The following CCDC85A variants were observed in gnomAD, a reference collection of about 807,000 sequenced individuals.
CCDC85A encodes the protein coiled-coil domain containing 85A.
In CCDC85A, 38 loss-of-function variants were observed where a neutral mutation model predicts 50.2. That is an observed-to-expected ratio of 0.76 (90% CI 0.58 to 0.99). CCDC85A has a LOEUF of 0.99. CCDC85A is among the 50% of genes least tolerant of loss of function. The pLI is 0.00. For synonymous variants in CCDC85A, 366 were observed against 301.4 expected (o/e 1.21, Z -2.22); for missense variants, 820 against 742.0 (o/e 1.11, Z -1.22).
chr2:56,282,042 C>CT (rs1440764554), intron 2 of CCDC85A, among the ~76,000 whole-genome samples: 2 of 151,932 alleles, frequency 1.3e-5, no homozygotes, highest in African/African-American at 4.8e-5. Context: ...TTAACTACAA[C>CT]TTTAATTATT....
chr2:56,378,582 T>C (rs1676444744), intron 5 of CCDC85A, among the ~76,000 whole-genome samples: 1 of 152,228 alleles, frequency 6.6e-6, no homozygotes, highest in Non-Finnish European at 1.5e-5. Flanking sequence ...AACTGTAATC[T>C]GAGGTGAGTA....
intron 3 of CCDC85A, among the ~76,000 whole-genome samples, chr2:56,367,882 C>T (rs933913601): frequency 6.6e-6 from 1 of 152,084 alleles, no homozygotes; most frequent in Non-Finnish European, 1.5e-5. Flanking sequence ...AGTTTCCAAG[C>T]CCATAGAGTG....
intron 2 of CCDC85A, among the ~76,000 whole-genome samples, chr2:56,215,720 G>C (rs931349094): frequency 6.6e-6 from 1 of 151,458 alleles, no homozygotes; most frequent in African/African-American, 2.4e-5. Context: ...TCTTGTGTTT[G>C]AAGGTACATT....
At chr2:56,236,066 A>G (rs1248298910) in intron 2 of CCDC85A, among the ~76,000 whole-genome samples, 1 of 152,234 alleles carries the variant, frequency 6.6e-6, no homozygotes, top group Non-Finnish European at 1.5e-5. Flanking sequence ...GAGTGATGCT[A>G]GAAAAAAGGC....
chr2:56,380,885 T>G (rs1269346866), intron 5 of CCDC85A, among the ~76,000 whole-genome samples: 1 of 152,140 alleles, frequency 6.6e-6, no homozygotes, highest in Non-Finnish European at 1.5e-5. Context: ...TGATTTTAAT[T>G]GGCTTTACAT....
chr2:56,192,790 C>T lies in CCDC85A; in HGVS notation c.590C>T (p.Thr197Ile), dbSNP rs771912091. 1.2e-6 allele frequency: 2 copies of T among 1,613,130 alleles called. No individual in the cohort carries two copies. Among genetic ancestry groups the T allele is most frequent in the East Asian group, 2.2e-5 (1 of 44,858 alleles). ...IDSQASLCQL[T>I]ASTAPYVRDV... ...AGCCAGGCCAGCCTGTGCCAACTCA[C>T]AGCCTCCACCGCACCCTACGTGCGG... The change falls in exon 2 of 6, where the codon ACA becomes ATA. Residue 197 changes from threonine (T) to isoleucine (I), a missense_variant. Thr to Ile is a moderately conservative substitution (Grantham distance 89). Coordinates refer to ENST00000407595, the MANE Select transcript of CCDC85A (RefSeq NM_001080433.2). The surrounding 1 kb of genome is among the most constrained non-coding windows in gnomAD (Gnocchi z 4.7).
intron 2 of CCDC85A, among the ~76,000 whole-genome samples, chr2:56,288,363 A>G (rs1347832335): frequency 6.6e-6 from 1 of 152,006 alleles, no homozygotes; most frequent in Non-Finnish European, 1.5e-5. Flanking sequence ...TTCCCAAAGC[A>G]GAAAACCGGG....
chr2:56,282,154 C>T (rs1671234794), intron 2 of CCDC85A, among the ~76,000 whole-genome samples: 1 of 151,818 alleles, frequency 6.6e-6, no homozygotes, highest in African/African-American at 2.4e-5. Context: ...TATCGAGGTA[C>T]AATTTGTTGA....
intron 3 of CCDC85A, among the ~76,000 whole-genome samples, chr2:56,344,387 G>T (rs1053209356): frequency 1.3e-5 from 2 of 152,156 alleles, no homozygotes; most frequent in African/African-American, 4.8e-5. Flanking sequence ...TCCCAGGTGG[G>T]ATGGAGCAGG....
chr2:56,279,092 T>C (rs763707205), intron 2 of CCDC85A, among the ~76,000 whole-genome samples: 10 of 152,216 alleles, frequency 6.6e-5, no homozygotes, highest in Non-Finnish European at 1.3e-4. Flanking sequence ...CCCTCTCTTC[T>C]GGTCTGTGTC....
intron 3 of CCDC85A, 76 bp from the exon 4 acceptor site, chr2:56,372,268 A>G: frequency 1.4e-6 from 2 of 1,398,760 alleles, no homozygotes; most frequent in Non-Finnish European, 1.9e-6. Context: ...ATTAAGCTTC[A>G]TGTTCTATCT....
intron 3 of CCDC85A, among the ~76,000 whole-genome samples, chr2:56,356,331 C>T (rs1489048428): frequency 6.6e-6 from 1 of 152,200 alleles, no homozygotes; most frequent in African/African-American, 2.4e-5. Flanking sequence ...TTGGAACAAG[C>T]CCCGTTCACT....
chr2:56,355,951 A>G (rs1195876348), intron 3 of CCDC85A, among the ~76,000 whole-genome samples: 1 of 152,224 alleles, frequency 6.6e-6, no homozygotes, highest in Non-Finnish European at 1.5e-5. Context: ...AGCTGGCTCT[A>G]AGAAGGGAGG....
chr2:56,320,355 G>T (rs1044960653), intron 2 of CCDC85A, among the ~76,000 whole-genome samples: 2 of 152,184 alleles, frequency 1.3e-5, no homozygotes, highest in South Asian at 2.1e-4. Context: ...CCAGGAGCTG[G>T]TTTTTTGAAA....
intron 2 of CCDC85A, among the ~76,000 whole-genome samples, chr2:56,257,841 T>C (rs976620574): frequency 6.6e-6 from 1 of 152,104 alleles, no homozygotes; most frequent in Non-Finnish European, 1.5e-5. Flanking sequence ...GGAGAAGATA[T>C]AAAAGATGTT....
Position 56,359,944 on chromosome 2 carries a change from G to A in CCDC85A, c.1318-12400G>A, listed in dbSNP as rs372813747. On this transcript the variant is annotated intron_variant, in intron 3 of 5. Coordinates refer to ENST00000407595, the MANE Select transcript of CCDC85A (RefSeq NM_001080433.2). ...GAAGGACAGAGGAGAACAAAGGCTA[G>A]TTCACATCTTCAGCATGTTTTCTGT... Among the ~76,000 whole-genome samples the A allele has an allele frequency of 9.2e-5, 14 of 152,296 alleles. No homozygotes were observed. The East Asian group carries it at 2.1e-3, about 23-fold the overall frequency.
At chr2:56,204,730 A>C (rs147534865) in intron 2 of CCDC85A, among the ~76,000 whole-genome samples, 178 of 152,302 alleles carry the variant, frequency 1.2e-3, no homozygotes, top group Middle Eastern at 6.8e-3. Flanking sequence ...TTCTGTGTGT[A>C]GGTGGAAAGT....
chr2:56,242,140 G>A (rs1275507518), intron 2 of CCDC85A, among the ~76,000 whole-genome samples: 1 of 152,146 alleles, frequency 6.6e-6, no homozygotes, highest in Non-Finnish European at 1.5e-5. Flanking sequence ...TTTGTGAAAT[G>A]TCTATTCAGA....
intron 2 of CCDC85A, among the ~76,000 whole-genome samples, chr2:56,279,091 C>T (rs1167744348): frequency 2.6e-5 from 4 of 152,188 alleles, no homozygotes; most frequent in Admixed American, 6.5e-5. Context: ...CCCCTCTCTT[C>T]TGGTCTGTGT....
Sources: allele counts gnomAD v4.1 joint callset (sites outside exome capture counted in the v4.1 genomes callset), GRCh38; gene constraint gnomAD v4.1.1; non-coding constraint Gnocchi (gnomAD v3.1); transcripts MANE v1.5; gene names NCBI Gene and HGNC (gene_info 2026-07-23, HGNC 2026-07-21).